The following DPYD variants were observed in gnomAD, a reference collection of about 807,000 sequenced individuals.
The protein encoded by DPYD is dihydropyrimidine dehydrogenase.
DPYD carries 109 observed loss-of-function variants against 116.2 expected under a neutral mutation model. The observed-to-expected ratio is 0.94, with a 90% CI of 0.80 to 1.10. DPYD has a LOEUF of 1.10. DPYD is among the 50% of genes least tolerant of loss of function. DPYD has a pLI of 0.00. For synonymous variants in DPYD, 440 were observed against 432.0 expected, an observed-to-expected ratio of 1.02 and a Z score of -0.23; for missense variants, 1,302 against 1,254.5, an observed-to-expected ratio of 1.04 and a Z score of -0.57.
intron 2 of DPYD, among the ~76,000 whole-genome samples, chr1:97,873,956 G>A (rs935751038): frequency 6.6e-6 from 1 of 151,844 alleles, no homozygotes; most frequent in Non-Finnish European, 1.5e-5. Context: ...AAAATAGTAT[G>A]TTAGATGGCA....
chr1:97,703,795 T>C (rs1661741244), intron 5 of DPYD, among the ~76,000 whole-genome samples: 1 of 152,040 alleles, frequency 6.6e-6, no homozygotes, highest in Non-Finnish European at 1.5e-5. Flanking sequence ...AAATAAATAA[T>C]TTAGAGGCAG....
chr1:97,816,931 A>T (rs749200986), intron 3 of DPYD, among the ~76,000 whole-genome samples: 1 of 152,200 alleles, frequency 6.6e-6, no homozygotes, highest in Non-Finnish European at 1.5e-5. Context: ...ATTTGTATTA[A>T]TCTATCAGAG....
At chr1:97,814,918 A>AAAGAAAGTGG (rs3075433) in intron 3 of DPYD, among the ~76,000 whole-genome samples, 1 of 85,606 alleles carries the variant, frequency 1.2e-5, no homozygotes. Context: ...AAAAAAAAAA[A>AAAGAAAGTGG]AAAGAAAGAG....
At chr1:97,713,897 G>A (rs1407059535) in intron 5 of DPYD, among the ~76,000 whole-genome samples, 2 of 152,058 alleles carry the variant, frequency 1.3e-5, no homozygotes, top group Admixed American at 6.5e-5. Context: ...GGATAATAGG[G>A]CAAGTGTGAT....
At chr1:97,214,914 A>G (rs530507355) in intron 19 of DPYD, among the ~76,000 whole-genome samples, 2 of 152,296 alleles carry the variant, frequency 1.3e-5, no homozygotes, top group Admixed American at 1.3e-4. Context: ...CAAAACATTA[A>G]CACTTGACCC....
chr1:97,395,416 T>C (rs1444899929), intron 14 of DPYD, among the ~76,000 whole-genome samples: 2 of 151,978 alleles, frequency 1.3e-5, no homozygotes, highest in African/African-American at 2.4e-5. Context: ...CTTATACTGA[T>C]AATAATGAGG....
chr1:97,910,655 T>C (rs924750236), intron 1 of DPYD, among the ~76,000 whole-genome samples: 4 of 152,032 alleles, frequency 2.6e-5, no homozygotes, highest in Non-Finnish European at 5.9e-5. Context: ...AATTCCAGAG[T>C]CTATACTCTT....
intron 10 of DPYD, among the ~76,000 whole-genome samples, chr1:97,586,809 T>C (rs1402791211): frequency 6.6e-6 from 1 of 151,852 alleles, no homozygotes; most frequent in Admixed American, 6.6e-5. Context: ...ATATGGTAGA[T>C]TTTACCTCAC....
chr1:97,572,782 A>G (rs923196574), intron 11 of DPYD, among the ~76,000 whole-genome samples: 28 of 152,144 alleles, frequency 1.8e-4, no homozygotes, highest in Non-Finnish European at 2.8e-4. Flanking sequence ...CCACATACCA[A>G]GATGTTTGAT....
intron 16 of DPYD, among the ~76,000 whole-genome samples, chr1:97,370,549 C>G (rs571866822): frequency 2.0e-5 from 3 of 152,084 alleles, no homozygotes; most frequent in African/African-American, 7.2e-5. Context: ...CAAACCTGCA[C>G]GTTCAGCTCA....
chr1:97,130,591 A>G (rs1428766777), intron 20 of DPYD, among the ~76,000 whole-genome samples: 2 of 151,830 alleles, frequency 1.3e-5, no homozygotes, highest in African/African-American at 4.8e-5. Context: ...ACTCTATTCC[A>G]TCTCCATTTT....
chr1:97,355,114 T>C (rs950834010), intron 16 of DPYD, among the ~76,000 whole-genome samples: 3 of 152,188 alleles, frequency 2.0e-5, no homozygotes, highest in Non-Finnish European at 4.4e-5. Context: ...ATGATAACTA[T>C]ACTTTTATTG....
intron 13 of DPYD, among the ~76,000 whole-genome samples, chr1:97,483,538 G>A (rs1281721662): frequency 1.3e-5 from 2 of 152,004 alleles, no homozygotes; most frequent in Admixed American, 1.3e-4. Flanking sequence ...GATAGTTAAC[G>A]CATGCTGGGC....
intron 20 of DPYD, among the ~76,000 whole-genome samples, chr1:97,128,839 A>G (rs1653050523): frequency 6.6e-6 from 1 of 152,186 alleles, no homozygotes; most frequent in Admixed American, 6.6e-5. Context: ...TCCTGAAACA[A>G]TATTTGAATA....
intron 19 of DPYD, among the ~76,000 whole-genome samples, chr1:97,214,373 A>T (rs1660238600): frequency 6.6e-6 from 1 of 152,216 alleles, no homozygotes; most frequent in African/African-American, 2.4e-5. Flanking sequence ...CTCTGTTTCT[A>T]TGAAAATAGC....
rs57316508 is a variant in DPYD at position 97,887,469 on chromosome 1, TAAAAAAAAAAAAA to T, written c.40-4108_40-4096del. Among the ~76,000 whole-genome samples, 10 of 47,140 alleles carry T rather than the reference TAAAAAAAAAAAAA, an allele frequency of 2.1e-4. No individual in the cohort carries two copies. The Admixed American group carries it at 2.2e-3, about 11-fold the overall frequency. The allele number at this position is 47,140 out of a possible 152,430, so 30.9% of individuals were successfully genotyped here. On this transcript the variant is annotated intron_variant, in intron 1 of 22. Transcript: ENST00000370192. Reference sequence around the variant, plus strand: ...TGGGTGACAAAGTGAGACTCTGCATTAAAAAAAAAAAAAAAAAAAAAAAAAAGTATATCCAGTC... The same window carrying T: ...TGGGTGACAAAGTGAGACTCTGCATTAAAAAAAAAAAAAGTATATCCAGTC...
At position 97,195,620 on chromosome 1, in the gene DPYD, G is replaced by A. The variant is rs12567804; in HGVS notation, c.2443-2372C>T. On this transcript the variant is annotated intron_variant, in intron 19 of 22. Transcript: ENST00000370192. ...TGTGTGTGTGTGTATATATATGTATGTGTATATGTATGTGTATATATATAT... is the reference window on the plus strand; with the variant it reads ...TGTGTGTGTGTGTATATATATGTATATGTATATGTATGTGTATATATATAT... 6.2e-3 allele frequency among the ~76,000 whole-genome samples: 537 copies of A among 86,528 alleles called. 44 individuals are homozygous for A. The East Asian group carries it at 0.1, about 16-fold the overall frequency. The allele number at this position is 86,528 out of a possible 152,430, so 56.8% of individuals were successfully genotyped here.
chr1:97,877,917 C>A (rs936113845), intron 2 of DPYD, among the ~76,000 whole-genome samples: 2 of 151,840 alleles, frequency 1.3e-5, no homozygotes, highest in Admixed American at 1.3e-4. Context: ...CTCTTAATAG[C>A]CATGTAAACT....
At chr1:97,606,850 C>T (rs987823447) in intron 8 of DPYD, among the ~76,000 whole-genome samples, 1 of 151,850 alleles carries the variant, frequency 6.6e-6, no homozygotes, top group Non-Finnish European at 1.5e-5. Flanking sequence ...TCTTCTTAAC[C>T]AGGATTACTA....
Sources: allele counts gnomAD v4.1 joint callset (sites outside exome capture counted in the v4.1 genomes callset), GRCh38; gene constraint gnomAD v4.1.1; transcripts MANE v1.5; gene names NCBI Gene and HGNC (gene_info 2026-07-23, HGNC 2026-07-21).